Variants in MAGI2 observed in about 807,000 individuals in gnomAD.
MAGI2 encodes the protein membrane-associated guanylate kinase, WW and PDZ domain-containing protein 2.
Under a neutral mutation model 133.3 loss-of-function variants are expected in MAGI2, and 35 were observed. That is an observed-to-expected ratio of 0.26 (90% CI 0.20 to 0.35). MAGI2 has a LOEUF of 0.35. Among genes scored for constraint, MAGI2 ranks in the 10% least tolerant of loss-of-function variants. The pLI is 1.00. For missense variants in MAGI2, 1,636 were observed against 1,863.4 expected (o/e 0.88, Z 2.25); for synonymous variants, 729 against 710.6 (o/e 1.03, Z -0.41).
chr7:78,640,634 A>G (rs1192374679), intron 2 of MAGI2, among the ~76,000 whole-genome samples: 1 of 152,220 alleles, frequency 6.6e-6, no homozygotes, highest in African/African-American at 2.4e-5. Context: ...AATACCAACC[A>G]GTAGCATCAG....
intron 1 of MAGI2, among the ~76,000 whole-genome samples, chr7:79,053,065 C>A (rs566677442): frequency 6.6e-6 from 1 of 151,974 alleles, no homozygotes; most frequent in African/African-American, 2.4e-5. Flanking sequence ...CTCTGCCTCC[C>A]GGGTTCACGC....
chr7:78,058,248 T>A (rs1812851927), intron 21 of MAGI2, among the ~76,000 whole-genome samples: 1 of 151,906 alleles, frequency 6.6e-6, no homozygotes, highest in African/African-American at 2.4e-5. Flanking sequence ...AGCCTCTGTA[T>A]CACTGCTCAT....
intron 10 of MAGI2, among the ~76,000 whole-genome samples, chr7:78,221,013 T>C (rs1039546528): frequency 6.6e-6 from 1 of 152,218 alleles, no homozygotes; most frequent in Non-Finnish European, 1.5e-5. Flanking sequence ...GTACCTGTAC[T>C]GAGCACACAC....
chr7:79,275,198 G>A (rs1835146926), intron 1 of MAGI2, among the ~76,000 whole-genome samples: 1 of 152,140 alleles, frequency 6.6e-6, no homozygotes, highest in Non-Finnish European at 1.5e-5. Flanking sequence ...TAGCCCTCTT[G>A]TAGCAAACAG....
At chr7:78,467,328 T>C (rs1380425066) in intron 6 of MAGI2, among the ~76,000 whole-genome samples, 2 of 152,124 alleles carry the variant, frequency 1.3e-5, no homozygotes, top group Non-Finnish European at 2.9e-5. Flanking sequence ...GATGCCCCTT[T>C]GTGGGCATGG....
At chr7:78,573,027 A>G (rs1311139802) in intron 3 of MAGI2, among the ~76,000 whole-genome samples, 1 of 65,430 alleles carries the variant, frequency 1.5e-5, no homozygotes, top group East Asian at 5.1e-4. Context: ...ATATATATGC[A>G]TATGTATGTA....
chr7:78,817,316 G>T (rs919929784), intron 2 of MAGI2, among the ~76,000 whole-genome samples: 2 of 152,196 alleles, frequency 1.3e-5, no homozygotes, highest in African/African-American at 4.8e-5. Context: ...GACAACAAAG[G>T]ATCTAGAATA....
At chr7:78,168,500 A>C (rs1825830295) in intron 14 of MAGI2, among the ~76,000 whole-genome samples, 1 of 152,218 alleles carries the variant, frequency 6.6e-6, no homozygotes, top group Admixed American at 6.5e-5. Context: ...GAATACCCTT[A>C]AGGAAAATTC....
intron 1 of MAGI2, among the ~76,000 whole-genome samples, chr7:79,435,092 G>T (rs4730831): frequency 0.81 from 123,237 of 152,110 alleles, 50,208 homozygotes; most frequent in African/African-American, 0.9. Context: ...ATTGTTGACT[G>T]ATCCTGCAGA....
At chr7:78,103,650 A>G (rs999338882) in intron 20 of MAGI2, among the ~76,000 whole-genome samples, 4 of 152,254 alleles carry the variant, frequency 2.6e-5, no homozygotes, top group Admixed American at 2.0e-4. Context: ...TTTCCCGTAT[A>G]CTACTCTGCC....
intron 9 of MAGI2, among the ~76,000 whole-genome samples, chr7:78,292,715 G>C (rs141470713): frequency 9.2e-5 from 14 of 152,260 alleles, no homozygotes; most frequent in African/African-American, 2.9e-4. Flanking sequence ...AAAACAGCAC[G>C]GTACTGGTAC....
At chr7:79,064,189 G>GA (rs1309971853) in intron 1 of MAGI2, among the ~76,000 whole-genome samples, 8 of 151,790 alleles carry the variant, frequency 5.3e-5, no homozygotes, top group Admixed American at 2.6e-4. Context: ...TCTCACTATA[G>GA]AAAAAAAATC....
At chr7:79,062,781 G>A (rs557253777) in intron 1 of MAGI2, among the ~76,000 whole-genome samples, 27 of 152,138 alleles carry the variant, frequency 1.8e-4, no homozygotes, top group African/African-American at 6.0e-4. Flanking sequence ...ACTCCCATCC[G>A]TGTTCTGACA....
chr7:78,645,887 C>T (rs373694179), intron 2 of MAGI2, among the ~76,000 whole-genome samples: 10 of 152,150 alleles, frequency 6.6e-5, no homozygotes, highest in African/African-American at 2.2e-4. Context: ...CACAGTTGTG[C>T]ACCACCATGC....
At chr7:79,259,390 T>C (rs1833918659) in intron 1 of MAGI2, among the ~76,000 whole-genome samples, 1 of 152,200 alleles carries the variant, frequency 6.6e-6, no homozygotes. Context: ...GTTTGTTATA[T>C]CAAGATTGAC....
At chr7:78,501,845 G>A in intron 4 of MAGI2, 58 bp from the exon 5 acceptor site, 15 of 1,270,092 alleles carry the variant, frequency 1.2e-5, no homozygotes, top group Non-Finnish European at 1.1e-5. Flanking sequence ...TCTGGACTGA[G>A]TATGGAGAAT....
intron 2 of MAGI2, among the ~76,000 whole-genome samples, chr7:78,753,901 A>G (rs1823694384): frequency 1.3e-5 from 2 of 152,124 alleles, no homozygotes; most frequent in African/African-American, 4.8e-5. Context: ...AAAACTCTAT[A>G]CTGAGAATTT....
chr7:79,392,230 T>C (rs1844709876), intron 1 of MAGI2, among the ~76,000 whole-genome samples: 1 of 152,208 alleles, frequency 6.6e-6, no homozygotes, highest in Admixed American at 6.5e-5. Flanking sequence ...GGTGTACATG[T>C]GCCACATTTT....
At chr7:78,320,756 C>T (rs569978551) in intron 9 of MAGI2, among the ~76,000 whole-genome samples, 25 of 152,138 alleles carry the variant, frequency 1.6e-4, no homozygotes, top group African/African-American at 5.5e-4. Flanking sequence ...CAACATAGTA[C>T]TGGAAGTTCT....
Sources: gnomAD v4.1 joint callset for allele counts (sites outside exome capture counted in the v4.1 genomes callset) on GRCh38, gnomAD v4.1.1 for gene constraint, MANE v1.5 for transcripts, NCBI Gene and HGNC (gene_info 2026-07-23, HGNC 2026-07-21) for gene names.